Variants in DYSF observed in about 807,000 individuals in gnomAD.
DYSF encodes dysferlin, also known as dystrophy-associated fer-1-like 1.
In DYSF, 212 loss-of-function variants were observed where a neutral mutation model predicts 274.9. The ratio of observed to expected loss-of-function variants is 0.77; its 90% CI spans 0.69 to 0.86. The LOEUF is 0.86. DYSF is among the 40% of genes least tolerant of loss of function. DYSF has a pLI of 0.00. For synonymous variants in DYSF, 1,091 were observed against 1,078.7 expected (o/e 1.01, Z -0.22); for missense variants, 2,666 against 2,783.2 (o/e 0.96, Z 0.95).
At chr2:71,483,080 GA>G (rs1156390556) in intron 3 of DYSF, among the ~76,000 whole-genome samples, 3 of 152,124 alleles carry the variant, frequency 2.0e-5, no homozygotes, top group Non-Finnish European at 4.4e-5. Flanking sequence ...TAAAAACTCA[GA>G]AAAAAACCCA....
At chr2:71,645,683 C>T (rs563321809) in intron 42 of DYSF, among the ~76,000 whole-genome samples, 11 of 152,046 alleles carry the variant, frequency 7.2e-5, no homozygotes, top group African/African-American at 1.7e-4. Context: ...TCGCCAGGGA[C>T]ACCGTCCTCC....
intron 40 of DYSF, among the ~76,000 whole-genome samples, chr2:71,617,711 G>T (rs1237462620): frequency 1.4e-5 from 2 of 142,038 alleles, no homozygotes; most frequent in Admixed American, 7.1e-5. Flanking sequence ...TGTGGTAGAG[G>T]TGGGGTGTGT....
intron 24 of DYSF, among the ~76,000 whole-genome samples, chr2:71,565,449 T>G (rs1390296625): frequency 6.6e-6 from 1 of 152,088 alleles, no homozygotes; most frequent in African/African-American, 2.4e-5. Flanking sequence ...CTCCTCAGCC[T>G]AAGGCACCAG....
chr2:71,572,973 C>A (rs559819846), intron 29 of DYSF, among the ~76,000 whole-genome samples: 73 of 152,350 alleles, frequency 4.8e-4, no homozygotes, highest in African/African-American at 1.6e-3. Flanking sequence ...TGAGCACACG[C>A]AAGCACATGC....
chr2:71,643,567 A>G (rs2094520342), intron 41 of DYSF, among the ~76,000 whole-genome samples: 1 of 152,142 alleles, frequency 6.6e-6, no homozygotes, highest in Non-Finnish European at 1.5e-5. Context: ...ATAATACATT[A>G]TTGACATTTT....
At chr2:71,454,069 G>T (rs2080946831) in exon 1 of DYSF, 1 of 1,613,994 alleles carries the variant, frequency 6.2e-7, no homozygotes. Flanking sequence ...GATGCCTACT[G>T]CTCCGCGGTG....
chr2:71,611,539 G>A lies in DYSF; in HGVS notation c.4134G>A (p.Glu1378=). The change falls in exon 38 of 56, where the codon GAG becomes GAA. Residue 1378 remains glutamate, a synonymous_variant. Transcript: ENST00000410020. The part of the protein sequence containing the change: ...ANISSPSLVV[E]CGGQTVQSCV... ...TCTCCTCCCCCAGCCTCGTGGTAGA[G>A]TGTGGGGGCCAGACGGTGCAGTCCT... 6 of 1,613,978 alleles carry A rather than the reference G, an allele frequency of 3.7e-6. No homozygotes were observed. Among genetic ancestry groups the A allele is most frequent in the Non-Finnish European group, 5.1e-6 (6 of 1,179,976 alleles).
chr2:71,599,058 A>T (rs555734969), intron 33 of DYSF, among the ~76,000 whole-genome samples: 1 of 152,204 alleles, frequency 6.6e-6, no homozygotes, highest in South Asian at 2.1e-4. Context: ...CTCATCGAGG[A>T]GCTGCGTGGA....
Position 71,620,614 on chromosome 2 carries a change from G to A in DYSF, c.4527+5G>A, listed in dbSNP as rs375771206. 1.6e-5 allele frequency: 24 copies of A among 1,506,404 alleles called. No individual in the cohort carries two copies. Among genetic ancestry groups the A allele is most frequent in the Non-Finnish European group, 1.9e-5 (21 of 1,119,280 alleles). The allele number at this position is 1,506,404 out of a possible 1,614,324, so 93.3% of individuals were successfully genotyped here. On this transcript the variant is annotated splice_donor_5th_base_variant and intron_variant, in intron 41 of 55. Transcript: ENST00000410020. ...TCTCCTCCATCCAGTCCTCATGTAT[G>A]TACTGTTTACTTATTTGTGGGCTCC...
chr2:71,590,158 C>G (rs1343448923), intron 31 of DYSF, 53 bp from the exon 32 acceptor site: 84 of 1,599,186 alleles, frequency 5.3e-5, no homozygotes, highest in Non-Finnish European at 6.9e-5. Flanking sequence ...AGCCCCAGCT[C>G]TTAACCACTC....
intron 1 of DYSF, among the ~76,000 whole-genome samples, chr2:71,479,455 C>T (rs547148500): frequency 6.6e-6 from 1 of 152,154 alleles, no homozygotes; most frequent in South Asian, 2.1e-4. Flanking sequence ...TGTCCAAACT[C>T]CTTGTTTTGT....
rs1193295832 is a variant in DYSF, at chr2:71,513,253, C to T, written c.474C>T (p.Ser158=). ...CCCACAAGACAGGCGGGGGACAGAG[C>T]CGGGCCGAGACTTGGTCCCTGCTCA... ...DLDVVAGGGQ[S]RAETWSLLSD... The change falls in exon 6 of 56, where the codon AGC becomes AGT. Residue 158 remains serine (S), a synonymous_variant. Transcript: ENST00000410020. 6.4e-7 allele frequency: 1 copy of T among 1,551,622 alleles called. No homozygotes were observed. Among genetic ancestry groups the T allele is most frequent in the Non-Finnish European group, 8.7e-7 (1 of 1,146,964 alleles).
chr2:71,679,566 G>T (rs546987374), intron 53 of DYSF, among the ~76,000 whole-genome samples: 38 of 152,184 alleles, frequency 2.5e-4, no homozygotes, highest in African/African-American at 8.4e-4. Flanking sequence ...ATGGGCGGGG[G>T]TCATGCCTCT....
At chr2:71,507,826 T>A (rs192070282) in intron 4 of DYSF, among the ~76,000 whole-genome samples, 2 of 152,358 alleles carry the variant, frequency 1.3e-5, no homozygotes, top group East Asian at 3.9e-4. Context: ...AATTCTCTTC[T>A]GTTTCCATCT....
rs546484852 is a variant in DYSF at position 71,473,383 on chromosome 2, C to T, written c.91+6450C>T. On this transcript the variant is annotated intron_variant, in intron 1 of 55. Coordinates refer to ENST00000410020, the MANE Select transcript of DYSF (RefSeq NM_001130987.2). ...GTATTCTAATGGGGCCGTCAAGAAA[C>T]GCCCTGCACAAAGTAAGCCCTCAAT... Among the ~76,000 whole-genome samples the T allele has an allele frequency of 4.6e-5, 7 of 152,312 alleles. No individual in the cohort carries two copies. The South Asian group carries it at 1.0e-3, about 23-fold the overall frequency.
rs1291429855 is a variant in DYSF, at chr2:71,589,592, G to T, written c.3403-1G>T. On this transcript the variant is annotated splice_acceptor_variant, in intron 30 of 55. Coordinates refer to ENST00000410020, the MANE Select transcript of DYSF (RefSeq NM_001130987.2). LOFTEE classifies it high-confidence loss of function. ...TGCCATAACCAGCTTCGTGTCTCCA[G>T]GGCGGCGTGATGGATGACAAGAGTG... 1 of 1,614,044 alleles carries T rather than the reference G, an allele frequency of 6.2e-7. No individual in the cohort carries two copies. The highest frequency in any genetic ancestry group is 1.3e-5 in the African/African-American group (1 of 75,022).
chr2:71,461,643 C>G (rs1459479088), intron 1 of DYSF, among the ~76,000 whole-genome samples: 1 of 152,152 alleles, frequency 6.6e-6, no homozygotes, highest in Non-Finnish European at 1.5e-5. Context: ...GATAATGGGT[C>G]AGACATAGCC....
intron 23 of DYSF, among the ~76,000 whole-genome samples, chr2:71,563,579 G>A (rs2091910554): frequency 6.6e-6 from 1 of 152,204 alleles, no homozygotes; most frequent in Non-Finnish European, 1.5e-5. Context: ...GCTACGGGAG[G>A]AGGGTGTGTG....
chr2:71,542,115 T>G (rs899943441), intron 17 of DYSF, among the ~76,000 whole-genome samples: 1 of 152,300 alleles, frequency 6.6e-6, no homozygotes, highest in East Asian at 1.9e-4. Context: ...TGTAACTGAG[T>G]GAGTTGCTCC....
Sources: allele counts gnomAD v4.1 joint callset (sites outside exome capture counted in the v4.1 genomes callset), GRCh38; gene constraint gnomAD v4.1.1; transcripts MANE v1.5; gene names NCBI Gene and HGNC (gene_info 2026-07-23, HGNC 2026-07-21).